The following CPA6 variants were observed in gnomAD, a reference collection of about 807,000 sequenced individuals.
CPA6 encodes carboxypeptidase B.
A neutral mutation model predicts 63.3 loss-of-function variants in CPA6; 58 were observed. The ratio of observed to expected loss-of-function variants is 0.92; its 90% confidence interval spans 0.74 to 1.14. The LOEUF is 1.14. Ranked by LOEUF, CPA6 falls within the 50% of genes most tolerant of loss-of-function variation. The pLI, the probability that CPA6 is intolerant of heterozygous loss-of-function variation, is 0.00. For synonymous variants in CPA6, 185 were observed against 179.0 expected (o/e 1.03, Z -0.27); for missense variants, 565 against 526.6 (o/e 1.07, Z -0.71).
chr8:67,626,370 C>T (rs1340182061), intron 1 of CPA6, among the ~76,000 whole-genome samples: 1 of 152,096 alleles, frequency 6.6e-6, no homozygotes, highest in African/African-American at 2.4e-5. Context: ...TCAAATGATC[C>T]TGTAATAGCT....
At chr8:67,431,061 A>G (rs571361887) in intron 9 of CPA6, among the ~76,000 whole-genome samples, 1 of 152,082 alleles carries the variant, frequency 6.6e-6, no homozygotes, top group East Asian at 1.9e-4. Context: ...ATGAGGTCCC[A>G]CTATATTACC....
intron 2 of CPA6, among the ~76,000 whole-genome samples, chr8:67,613,786 C>G (rs1814870550): frequency 6.6e-6 from 1 of 152,118 alleles, no homozygotes; most frequent in Non-Finnish European, 1.5e-5. Context: ...CAAAAAGTTG[C>G]CTTTTGGCCT....
chr8:67,556,637 T>C (rs898141854), intron 2 of CPA6, among the ~76,000 whole-genome samples: 1 of 152,150 alleles, frequency 6.6e-6, no homozygotes, highest in Non-Finnish European at 1.5e-5. Context: ...CACTGACACA[T>C]ACGAAAGCAC....
At position 67,657,046 on chromosome 8, in the gene CPA6, T is replaced by C. The variant is rs180852692; in HGVS notation, c.117-32795A>G. On this transcript the variant is annotated intron_variant, in intron 1 of 10. Coordinates refer to ENST00000297770, the MANE Select transcript of CPA6 (RefSeq NM_020361.5). Reference sequence around the variant, plus strand: ...CATCTCCCTACCCTTAATCTCTCAATTTATTTTGCTTAAACACATGGTGTC... The same window carrying C: ...CATCTCCCTACCCTTAATCTCTCAACTTATTTTGCTTAAACACATGGTGTC... 8.4e-4 allele frequency among the ~76,000 whole-genome samples: 128 copies of C among 152,332 alleles called. 1 individual carries two copies. The highest frequency in any genetic ancestry group is 1.6e-3 in the Non-Finnish European group (108 of 68,024).
chr8:67,613,316 A>G (rs938904048), intron 2 of CPA6, among the ~76,000 whole-genome samples: 1 of 152,210 alleles, frequency 6.6e-6, no homozygotes, highest in Admixed American at 6.5e-5. Flanking sequence ...ATTATAGGCA[A>G]ATAGATGGAT....
chr8:67,546,129 T>C (rs1812814161), intron 2 of CPA6, among the ~76,000 whole-genome samples: 1 of 152,078 alleles, frequency 6.6e-6, no homozygotes, highest in Admixed American at 6.5e-5. Context: ...TGGTTTCAGG[T>C]TTTGTGGGAA....
At chr8:67,647,543 G>A (rs1016358666) in intron 1 of CPA6, among the ~76,000 whole-genome samples, 2 of 152,080 alleles carry the variant, frequency 1.3e-5, no homozygotes, top group African/African-American at 2.4e-5. Context: ...CACAAAATAC[G>A]ATGCTTTGAT....
intron 8 of CPA6, among the ~76,000 whole-genome samples, chr8:67,480,675 G>T (rs1811339144): frequency 6.6e-6 from 1 of 151,890 alleles, no homozygotes; most frequent in Admixed American, 6.6e-5. Context: ...CATTTCTCTT[G>T]GGTATATATA....
At chr8:67,704,710 G>C (rs761028661) in intron 1 of CPA6, among the ~76,000 whole-genome samples, 1 of 152,166 alleles carries the variant, frequency 6.6e-6, no homozygotes, top group Non-Finnish European at 1.5e-5. Context: ...TAAGGTACAC[G>C]GTAAGACTGG....
At chr8:67,505,764 T>C (rs1811914308) in intron 6 of CPA6, among the ~76,000 whole-genome samples, 1 of 152,216 alleles carries the variant, frequency 6.6e-6, no homozygotes, top group Admixed American at 6.5e-5. Context: ...GTAAATTTAG[T>C]ACATTCTTGA....
intron 2 of CPA6, among the ~76,000 whole-genome samples, chr8:67,564,554 T>C (rs1006835142): frequency 6.6e-6 from 1 of 152,062 alleles, no homozygotes; most frequent in Admixed American, 6.6e-5. Flanking sequence ...CTCAAGGTCA[T>C]AGGAAGAGCA....
At chr8:67,493,598 G>C (rs1304640676) in intron 6 of CPA6, among the ~76,000 whole-genome samples, 1 of 152,164 alleles carries the variant, frequency 6.6e-6, no homozygotes, top group African/African-American at 2.4e-5. Flanking sequence ...TCACATGCCA[G>C]ATGTTGGCAC....
At chr8:67,610,067 C>T (rs1271538560) in intron 2 of CPA6, among the ~76,000 whole-genome samples, 1 of 147,766 alleles carries the variant, frequency 6.8e-6, no homozygotes, top group Non-Finnish European at 1.5e-5. Context: ...AACAAAAACC[C>T]CCCAAAAACC....
intron 1 of CPA6, among the ~76,000 whole-genome samples, chr8:67,651,715 G>T (rs1440075374): frequency 2.6e-5 from 4 of 151,994 alleles, no homozygotes; most frequent in African/African-American, 9.7e-5. Context: ...GTAGAGAATA[G>T]CGCGAGAGCT....
chr8:67,729,098 C>T (rs965696616), intron 1 of CPA6, among the ~76,000 whole-genome samples: 3 of 152,196 alleles, frequency 2.0e-5, no homozygotes, highest in Non-Finnish European at 4.4e-5. Flanking sequence ...AAGCATGGTG[C>T]CTGAACCATA....
intron 1 of CPA6, among the ~76,000 whole-genome samples, chr8:67,640,231 C>T (rs558143959): frequency 6.6e-6 from 1 of 151,384 alleles, no homozygotes; most frequent in South Asian, 2.1e-4. Context: ...GACCTGCCCC[C>T]TTCTGCCCAG....
chr8:67,673,507 C>A (rs980332208), intron 1 of CPA6, among the ~76,000 whole-genome samples: 2 of 150,758 alleles, frequency 1.3e-5, no homozygotes, highest in African/African-American at 2.4e-5. Context: ...CCTCAGCCTC[C>A]TGAGTAGCTG....
intron 1 of CPA6, among the ~76,000 whole-genome samples, chr8:67,659,109 T>A (rs935334746): frequency 6.6e-6 from 1 of 152,268 alleles, no homozygotes; most frequent in Non-Finnish European, 1.5e-5. Flanking sequence ...GCAAGCCCTA[T>A]GCTGGCTGGC....
chr8:67,426,263 C>A (rs551071356), intron 10 of CPA6, among the ~76,000 whole-genome samples: 7 of 152,210 alleles, frequency 4.6e-5, no homozygotes, highest in South Asian at 2.1e-4. Context: ...GCCGCCGCAT[C>A]CGGCCAACAG....
Sources: allele counts gnomAD v4.1 joint callset (sites outside exome capture counted in the v4.1 genomes callset), GRCh38; gene constraint gnomAD v4.1.1; transcripts MANE v1.5; gene names NCBI Gene and HGNC (gene_info 2026-07-23, HGNC 2026-07-21).